Variants in RIMS1 observed in about 807,000 individuals in gnomAD.
RIMS1 encodes regulating synaptic membrane exocytosis 1.
Under a neutral mutation model 214.1 loss-of-function variants are expected in RIMS1, and 83 were observed. The observed-to-expected ratio is 0.39, with a 90% CI of 0.32 to 0.47. The LOEUF (loss-of-function observed/expected upper bound fraction) is 0.47, where lower values mean the gene tolerates loss of function less well. Ranked by LOEUF, RIMS1 falls within the 20% of genes least tolerant of loss-of-function variation. The pLI, the probability that RIMS1 is intolerant of heterozygous loss-of-function variation, is 0.99. For synonymous variants in RIMS1, 793 were observed against 786.8 expected (o/e 1.01, Z -0.13); for missense variants, 2,050 against 2,161.8 (o/e 0.95, Z 1.03).
chr6:72,201,241 A>G (rs905127873), intron 6 of RIMS1, among the ~76,000 whole-genome samples: 2 of 152,214 alleles, frequency 1.3e-5, no homozygotes, highest in Non-Finnish European at 2.9e-5. Context: ...AAAAATAATC[A>G]TACAAATTTT....
chr6:71,894,580 T>G (rs1333295360), intron 1 of RIMS1, among the ~76,000 whole-genome samples: 1 of 152,274 alleles, frequency 6.6e-6, no homozygotes, highest in Admixed American at 6.5e-5. Flanking sequence ...CATACAGGAC[T>G]GTCTTTATGA....
chr6:72,198,452 T>A (rs1431530806), intron 6 of RIMS1, among the ~76,000 whole-genome samples: 1 of 151,956 alleles, frequency 6.6e-6, no homozygotes, highest in Non-Finnish European at 1.5e-5. Context: ...ATAGAATTGA[T>A]TTCATGGAGG....
intron 28 of RIMS1, among the ~76,000 whole-genome samples, chr6:72,330,518 T>C (rs1356278187): frequency 1.3e-5 from 2 of 151,738 alleles, no homozygotes; most frequent in Non-Finnish European, 2.9e-5. Context: ...GTAGCAGTTT[T>C]AGTGGTGCAT....
chr6:72,382,172 A>T (rs1407202965), intron 29 of RIMS1, among the ~76,000 whole-genome samples: 1 of 152,188 alleles, frequency 6.6e-6, no homozygotes, highest in Non-Finnish European at 1.5e-5. Flanking sequence ...AGTGAGAGAA[A>T]ATGAGGAAAA....
intron 6 of RIMS1, among the ~76,000 whole-genome samples, chr6:72,200,074 A>G (rs1308252652): frequency 5.3e-5 from 8 of 152,150 alleles, no homozygotes; most frequent in African/African-American, 1.7e-4. Context: ...AAAAAATTCT[A>G]TCTAATATTT....
At chr6:72,230,013 C>T (rs1466022048) in intron 6 of RIMS1, among the ~76,000 whole-genome samples, 1 of 151,682 alleles carries the variant, frequency 6.6e-6, no homozygotes, top group Non-Finnish European at 1.5e-5. Flanking sequence ...CATTCAGTTC[C>T]AACTCACATC....
intron 29 of RIMS1, among the ~76,000 whole-genome samples, chr6:72,372,533 C>T (rs1361213028): frequency 6.6e-6 from 1 of 152,092 alleles, no homozygotes; most frequent in African/African-American, 2.4e-5. Context: ...AAAATGTGAA[C>T]TTATTGTACA....
intron 4 of RIMS1, among the ~76,000 whole-genome samples, chr6:72,139,231 C>G (rs1018441769): frequency 1.3e-5 from 2 of 152,090 alleles, no homozygotes; most frequent in African/African-American, 4.8e-5. Flanking sequence ...CTTCACCACA[C>G]CTCTCCCAAC....
chr6:71,975,733 T>C (rs1353091441), intron 2 of RIMS1, among the ~76,000 whole-genome samples: 2 of 152,142 alleles, frequency 1.3e-5, no homozygotes, highest in African/African-American at 4.8e-5. Context: ...CATTACCCCA[T>C]TCTCCTCAAA....
intron 16 of RIMS1, among the ~76,000 whole-genome samples, chr6:72,256,733 A>C (rs1292962111): frequency 2.0e-5 from 3 of 151,536 alleles, no homozygotes; most frequent in African/African-American, 7.3e-5. Flanking sequence ...TATTCACTAC[A>C]TGTTAACTTA....
chr6:71,986,190 G>GTTTTTTTTT (rs35395914), intron 2 of RIMS1, among the ~76,000 whole-genome samples: 1 of 131,782 alleles, frequency 7.6e-6, no homozygotes. Flanking sequence ...TTTGGGTTTT[G>GTTTTTTTTT]TTTTTTTTTT....
chr6:72,036,332 C>T (rs981470631), intron 2 of RIMS1, among the ~76,000 whole-genome samples: 3 of 152,150 alleles, frequency 2.0e-5, no homozygotes, highest in Non-Finnish European at 2.9e-5. Context: ...GCAGTAATGT[C>T]GGGAATATCT....
intron 6 of RIMS1, among the ~76,000 whole-genome samples, chr6:72,204,537 G>A (rs191297426): frequency 6.6e-6 from 1 of 152,194 alleles, no homozygotes; most frequent in East Asian, 1.9e-4. Flanking sequence ...TTTTTAAAAT[G>A]TCCTCTATCT....
At chr6:72,174,357 AT>A (rs1245066204) in intron 4 of RIMS1, among the ~76,000 whole-genome samples, 1 of 152,206 alleles carries the variant, frequency 6.6e-6, no homozygotes, top group African/African-American at 2.4e-5. Context: ...AAAATGCAGA[AT>A]TGATATTGTC....
At chr6:72,069,137 G>A (rs549700974) in intron 2 of RIMS1, among the ~76,000 whole-genome samples, 1 of 152,162 alleles carries the variant, frequency 6.6e-6, no homozygotes, top group Non-Finnish European at 1.5e-5. Context: ...ATTGTCATAC[G>A]GTGGAAGCAT....
At chr6:72,255,772 T>G (rs926710458) in intron 16 of RIMS1, among the ~76,000 whole-genome samples, 3 of 152,086 alleles carry the variant, frequency 2.0e-5, no homozygotes, top group African/African-American at 7.2e-5. Context: ...GCACGGTGGC[T>G]CACGCCTGTA....
chr6:72,376,746 CAAAAA>C, intron 29 of RIMS1, among the ~76,000 whole-genome samples: 1 of 112,672 alleles, frequency 8.9e-6, no homozygotes. Flanking sequence ...GACTCTGTCT[CAAAAA>C]AAAAAAAAAA....
chr6:72,037,099 T>C (rs1225718329), intron 2 of RIMS1, among the ~76,000 whole-genome samples: 1 of 151,966 alleles, frequency 6.6e-6, no homozygotes, highest in African/African-American at 2.4e-5. Context: ...GTGAACTGAG[T>C]TATGTATATT....
intron 23 of RIMS1, among the ~76,000 whole-genome samples, chr6:72,279,669 G>A (rs1303711071): frequency 6.6e-6 from 1 of 151,936 alleles, no homozygotes; most frequent in East Asian, 1.9e-4. Context: ...TCGTGCCCAG[G>A]GATCTCTCAA....
Sources: gnomAD v4.1 joint callset for allele counts (sites outside exome capture counted in the v4.1 genomes callset) on GRCh38, gnomAD v4.1.1 for gene constraint, MANE v1.5 for transcripts, NCBI Gene and HGNC (gene_info 2026-07-23, HGNC 2026-07-21) for gene names.